The following PARP10 variants were observed in gnomAD, a reference collection of about 807,000 sequenced individuals.
PARP10 encodes the protein poly(ADP-ribose) polymerase family member 10.
PARP10 carries 56 observed loss-of-function variants against 82.4 expected under a neutral mutation model. The ratio of observed to expected loss-of-function variants is 0.68; its 90% confidence interval spans 0.55 to 0.85. The LOEUF is 0.85. Among genes scored for constraint, PARP10 ranks in the 40% least tolerant of loss-of-function variants. PARP10 has a pLI of 0.00. For synonymous variants in PARP10, 576 were observed against 601.1 expected (o/e 0.96, Z 0.61); for missense variants, 1,227 against 1,379.4 (o/e 0.89, Z 1.75).
At chr8:143,992,772 G>C (rs1554750812), upstream of PARP10, 1 of 1,613,822 alleles carries the variant, frequency 6.2e-7, no homozygotes, top group Non-Finnish European at 8.5e-7. Context: ...TTGCTGCGCT[G>C]AACCTGTACA....
rs1834212303 is a variant in PARP10 at position 144,002,978 on chromosome 8, A to ATAT, written c.-80+9551_-80+9552insATA. 3.9e-5 allele frequency among the ~76,000 whole-genome samples: 6 copies of ATAT among 152,238 alleles called. No homozygotes were observed. The South Asian group carries it at 1.0e-3, about 26-fold the overall frequency. On this transcript the variant is annotated intron_variant, in intron 1 of 3. Transcript: ENST00000530478. ...GAGAGATATTCATAACACATGCAACAGACAATGGATTTCCATCAAAAATGT... is the reference window on the plus strand; with the variant it reads ...GAGAGATATTCATAACACATGCAACATATGACAATGGATTTCCATCAAAAATGT...
At chr8:143,991,273 C>T (rs1554750383), upstream of PARP10, 4 of 1,544,960 alleles carry the variant, frequency 2.6e-6, no homozygotes, top group South Asian at 2.3e-5. Flanking sequence ...TATCCTCCCC[C>T]CAACCCTGGA....
chr8:144,001,911 T>TGTGTGTGTGTGTGTGTG (rs1834206084), intron 1 of PARP10, among the ~76,000 whole-genome samples: 1 of 151,094 alleles, frequency 6.6e-6, no homozygotes, highest in African/African-American at 2.4e-5. Context: ...TGTGTGTGTA[T>TGTGTGTGTGTGTGTGTG]TCTCAGTGTT....
chr8:143,993,746 C>G (rs1554750974), upstream of PARP10, among the ~76,000 whole-genome samples: 1 of 152,236 alleles, frequency 6.6e-6, no homozygotes, highest in African/African-American at 2.4e-5. Flanking sequence ...GGTCATTGGC[C>G]TGCCCCAGGG....
intron 1 of PARP10, among the ~76,000 whole-genome samples, chr8:144,006,566 G>T (rs1285859484): frequency 6.6e-6 from 1 of 152,228 alleles, no homozygotes; most frequent in Non-Finnish European, 1.5e-5. Context: ...TGGGGTCAGG[G>T]AGTAACATGG....
intron 1 of PARP10, among the ~76,000 whole-genome samples, chr8:144,005,103 C>T (rs565680934): frequency 8.0e-5 from 12 of 150,688 alleles, no homozygotes; most frequent in Non-Finnish European, 1.3e-4. Context: ...CACTTGAGCC[C>T]GGGAGGCAGA....
chr8:143,980,947 T>C (rs917493590), intron 9 of PARP10, among the ~76,000 whole-genome samples: 6 of 152,026 alleles, frequency 3.9e-5, no homozygotes, highest in African/African-American at 1.4e-4. Context: ...ACTGACCAAA[T>C]TGAGATGGAA....
Position 144,008,372 on chromosome 8 carries a change from G to C in PARP10, c.-80+4158C>G, listed in dbSNP as rs1177504969. On this transcript the variant is annotated intron_variant, in intron 1 of 3. Transcript: ENST00000530478. The surrounding 1 kb of genome is among the most constrained non-coding windows in gnomAD (Gnocchi z 4.0). ...GCAGAGAATCCCAAGCCAAGAAAGG[G>C]GCAAAGATCCCTGAAGGCCTTGCCA... 6.6e-6 allele frequency among the ~76,000 whole-genome samples: 1 copy of C among 152,158 alleles called. No homozygotes were observed. Among genetic ancestry groups the C allele is most frequent in the Non-Finnish European group, 1.5e-5 (1 of 68,034 alleles).
At position 144,011,052 on chromosome 8, in the gene PARP10, T is replaced by C. The variant is rs1444707436; in HGVS notation, c.-80+1478A>G. 6.6e-6 allele frequency among the ~76,000 whole-genome samples: 1 copy of C among 151,892 alleles called. No homozygotes were observed. Among genetic ancestry groups the C allele is most frequent in the Non-Finnish European group, 1.5e-5 (1 of 67,950 alleles). ...TCTATTAGACGTCTAATAGACGTGA[T>C]TAATAGCTACAAGTATATAATAGCT... On this transcript the variant is annotated intron_variant, in intron 1 of 3. Coordinates refer to the PARP10 transcript ENST00000530478. The surrounding 1 kb of genome is among the most constrained non-coding windows in gnomAD (Gnocchi z 4.5).
At chr8:143,991,203 C>A, upstream of PARP10, 1 of 1,540,296 alleles carries the variant, frequency 6.5e-7, no homozygotes, top group Non-Finnish European at 8.8e-7. Context: ...TCTCTAGGGG[C>A]GGACCGCGGA....
chr8:143,995,577 GAT>G (rs530452672), upstream of PARP10, among the ~76,000 whole-genome samples: 25 of 152,308 alleles, frequency 1.6e-4, 1 homozygote, highest in East Asian at 4.6e-3. Context: ...CCACCACACT[GAT>G]TCTTCAGGTA....
chr8:143,999,240 C>T (rs1274172974), intron 1 of PARP10, among the ~76,000 whole-genome samples: 3 of 151,812 alleles, frequency 2.0e-5, no homozygotes, highest in Admixed American at 1.3e-4. Context: ...CTCACTTTGT[C>T]GCCCAGGCTG....
At chr8:144,012,505 T>A in intron 1 of PARP10, 1 of 1,551,516 alleles carries the variant, frequency 6.4e-7, no homozygotes, top group South Asian at 1.2e-5. Flanking sequence ...CCCTTGCCAC[T>A]GCCCCAGGGC....
intron 1 of PARP10, among the ~76,000 whole-genome samples, chr8:144,005,626 GC>G (rs1281194012): frequency 6.6e-6 from 1 of 151,988 alleles, no homozygotes; most frequent in East Asian, 1.9e-4. Flanking sequence ...TGCTTCTCTG[GC>G]CCGGCCGTCC....
intron 1 of PARP10, among the ~76,000 whole-genome samples, chr8:144,010,199 A>G (rs1285960942): frequency 6.6e-6 from 1 of 152,208 alleles, no homozygotes; most frequent in Non-Finnish European, 1.5e-5. Flanking sequence ...GGCAGCATTT[A>G]TCGCAGGGTA....
Position 143,977,347 on chromosome 8 carries a change from C to G in PARP10, c.*137G>C. ...CCGCTGCTGACCGCCATCCCCCACA[C>G]CGCCTTCTGGAGCCCGCAGAGGGAG... On this transcript the variant is annotated 3_prime_UTR_variant, in exon 11 of 11. Transcript: ENST00000313028. 1.1e-6 allele frequency: 1 copy of G among 935,894 alleles called. No individual in the cohort carries two copies. The highest frequency in any genetic ancestry group is 1.5e-6 in the Non-Finnish European group (1 of 645,558). 58.0% of individuals were successfully genotyped at this position (935,894 alleles called of 1,614,324 possible).
upstream of PARP10, chr8:143,986,795 G>A (rs202044315): frequency 3.5e-5 from 9 of 260,068 alleles, no homozygotes; most frequent in East Asian, 9.1e-4. Flanking sequence ...GGATCTCCAA[G>A]CCTCTGTGTC....
At chr8:143,992,257 G>A (rs782687611), upstream of PARP10, 7 of 1,601,868 alleles carry the variant, frequency 4.4e-6, no homozygotes, top group East Asian at 4.5e-5. Context: ...GGTCCTGACC[G>A]CCAGCCTGTC....
intron 9 of PARP10, among the ~76,000 whole-genome samples, chr8:143,979,022 G>A (rs1406977650): frequency 6.6e-6 from 1 of 151,420 alleles, no homozygotes; most frequent in African/African-American, 2.4e-5. Context: ...GCCCAGGCTG[G>A]AGTGCAGTGG....
Sources: gnomAD v4.1 joint callset for allele counts (sites outside exome capture counted in the v4.1 genomes callset) on GRCh38, gnomAD v4.1.1 for gene constraint, Gnocchi (gnomAD v3.1) non-coding constraint, MANE v1.5 for transcripts, NCBI Gene and HGNC (gene_info 2026-07-23, HGNC 2026-07-21) for gene names.